SLC14A2: variants seen among roughly 807,000 people sequenced by gnomAD.
The protein encoded by SLC14A2 is urea transporter 2.
In SLC14A2, 91 loss-of-function variants were observed where a neutral mutation model predicts 104.6. The observed-to-expected ratio is 0.87, with a 90% CI of 0.73 to 1.04. SLC14A2 has a LOEUF of 1.04. SLC14A2 is among the 50% of genes least tolerant of loss of function. The pLI, the probability that SLC14A2 is intolerant of heterozygous loss-of-function variation, is 0.00. For missense variants in SLC14A2, 1,189 were observed against 1,156.0 expected (o/e 1.03, Z -0.41); for synonymous variants, 476 against 466.4 (o/e 1.02, Z -0.27).
At chr18:45,549,023 C>A (rs2144275709) in intron 2 of SLC14A2, among the ~76,000 whole-genome samples, 1 of 152,358 alleles carries the variant, frequency 6.6e-6, no homozygotes, top group East Asian at 1.9e-4. Flanking sequence ...GGATTAGTCT[C>A]ACAATATTGC....
At chr18:45,472,619 A>G (rs1377718353) in intron 1 of SLC14A2, among the ~76,000 whole-genome samples, 1 of 152,124 alleles carries the variant, frequency 6.6e-6, no homozygotes, top group Non-Finnish European at 1.5e-5. Flanking sequence ...CATTTCTCTA[A>G]TGACCGGTGA....
intron 2 of SLC14A2, among the ~76,000 whole-genome samples, chr18:45,557,281 TCTAA>T (rs1410795584): frequency 6.6e-5 from 10 of 152,220 alleles, no homozygotes; most frequent in South Asian, 2.1e-4. Context: ...TTTCCCATTC[TCTAA>T]CTGTTTCTGC....
chr18:45,565,003 G>A (rs2044247089), intron 2 of SLC14A2, among the ~76,000 whole-genome samples: 1 of 152,150 alleles, frequency 6.6e-6, no homozygotes, highest in South Asian at 2.1e-4. Context: ...GGTGGAACTT[G>A]AACTGGATAC....
At chr18:45,511,635 A>G (rs2043366866) in intron 2 of SLC14A2, among the ~76,000 whole-genome samples, 1 of 152,222 alleles carries the variant, frequency 6.6e-6, no homozygotes, top group Non-Finnish European at 1.5e-5. Context: ...CATAACCAGG[A>G]AAAGCTTGCA....
chr18:45,364,051 T>C (rs1939116783), intron 1 of SLC14A2, among the ~76,000 whole-genome samples: 2 of 152,174 alleles, frequency 1.3e-5, no homozygotes, highest in Non-Finnish European at 2.9e-5. Flanking sequence ...CAAATGCCAG[T>C]GCCTCCTTAA....
At chr18:45,320,273 A>G (rs939930408) in intron 1 of SLC14A2, among the ~76,000 whole-genome samples, 8 of 152,310 alleles carry the variant, frequency 5.3e-5, no homozygotes, top group African/African-American at 1.7e-4. Context: ...TTTTTGGCAC[A>G]TCTTTCATTT....
At chr18:45,521,179 T>C (rs970695721) in intron 2 of SLC14A2, among the ~76,000 whole-genome samples, 3 of 152,354 alleles carry the variant, frequency 2.0e-5, no homozygotes, top group African/African-American at 7.2e-5. Flanking sequence ...TTTAACCTGA[T>C]AGGGACTCAA....
In SLC14A2 at chr18:45,637,061, A is replaced by G. The variant is rs778478814; in HGVS notation, c.722A>G (p.Asn241Ser). 7.4e-6 allele frequency: 12 copies of G among 1,614,048 alleles called. No homozygotes were observed. The highest frequency in any genetic ancestry group is 1.1e-5 in the South Asian group (1 of 91,088). The change falls in exon 6 of 20, where the codon AAC (asparagine) becomes AGC (serine). Residue 241 changes from asparagine to serine, a missense_variant. By Grantham distance (46) the Asn-to-Ser change is conservative. Transcript: ENST00000255226. ...CTCCCGGTCTTCACTCTGCCCTTCAACATTGCAGTCACCTTGTACCTTGCA... is the reference window on the plus strand; with the variant it reads ...CTCCCGGTCTTCACTCTGCCCTTCAGCATTGCAGTCACCTTGTACCTTGCA... ...WDLPVFTLPF[N>S]IAVTLYLAAT...
At chr18:45,331,651 A>G (rs1033312471) in intron 1 of SLC14A2, among the ~76,000 whole-genome samples, 25 of 151,460 alleles carry the variant, frequency 1.7e-4, no homozygotes, top group Admixed American at 5.9e-4. Context: ...AGATCGCACC[A>G]CTGCACTCCA....
At chr18:45,532,816 A>G (rs1036563027) in intron 2 of SLC14A2, among the ~76,000 whole-genome samples, 2 of 152,190 alleles carry the variant, frequency 1.3e-5, no homozygotes, top group South Asian at 4.1e-4. Context: ...TCCATTCAGT[A>G]TGATATTGGC....
At chr18:45,223,794 G>T (rs1226438285) in intron 1 of SLC14A2, among the ~76,000 whole-genome samples, 1 of 152,168 alleles carries the variant, frequency 6.6e-6, no homozygotes, top group Non-Finnish European at 1.5e-5. Context: ...GTGGGGCTTT[G>T]GAAACCCAGA....
chr18:45,382,219 G>T (rs1236610038), intron 1 of SLC14A2, among the ~76,000 whole-genome samples: 1 of 152,174 alleles, frequency 6.6e-6, no homozygotes, highest in Non-Finnish European at 1.5e-5. Flanking sequence ...GTCATTCTCA[G>T]AGTATGCTTA....
chr18:45,512,015 C>A (rs568070152), intron 2 of SLC14A2, among the ~76,000 whole-genome samples: 168 of 152,270 alleles, frequency 1.1e-3, no homozygotes, highest in Non-Finnish European at 2.1e-3. Flanking sequence ...GCTCTCAGCT[C>A]TCAGGGAAGG....
chr18:45,626,949 C>G lies in SLC14A2; in HGVS notation c.332-9C>G. The G allele has an allele frequency of 6.2e-7, 1 of 1,605,674 alleles. No homozygotes were observed. Among genetic ancestry groups the G allele is most frequent in the Non-Finnish European group, 8.5e-7 (1 of 1,174,998 alleles). On this transcript the variant is annotated splice_polypyrimidine_tract_variant and intron_variant, in intron 3 of 19. Coordinates refer to ENST00000255226, the MANE Select transcript of SLC14A2 (RefSeq NM_007163.4). ...GACCTGCTGATGGCTCGCTCTCTGTCTCTTTCAGACAAGCACCTTGCCCTC... is the reference window on the plus strand; with the variant it reads ...GACCTGCTGATGGCTCGCTCTCTGTGTCTTTCAGACAAGCACCTTGCCCTC...
intron 1 of SLC14A2, among the ~76,000 whole-genome samples, chr18:45,401,551 C>T (rs1163844256): frequency 3.9e-5 from 6 of 152,190 alleles, no homozygotes. Flanking sequence ...CAGAGCTTTG[C>T]AGCTCAGCAA....
chr18:45,214,363 T>C, intron 1 of SLC14A2, among the ~76,000 whole-genome samples: 1 of 152,152 alleles, frequency 6.6e-6, no homozygotes, highest in East Asian at 1.9e-4. Flanking sequence ...GAAATCAGAA[T>C]CTCGGTCTCT....
At chr18:45,265,070 C>G (rs1423513318) in intron 1 of SLC14A2, among the ~76,000 whole-genome samples, 2 of 152,052 alleles carry the variant, frequency 1.3e-5, no homozygotes, top group Admixed American at 6.6e-5. Context: ...TTGTATGCAC[C>G]TATACATTCA....
At chr18:45,310,415 T>C (rs535741094) in intron 1 of SLC14A2, among the ~76,000 whole-genome samples, 34 of 152,374 alleles carry the variant, frequency 2.2e-4, no homozygotes, top group African/African-American at 8.2e-4. Context: ...GGCATCATTA[T>C]TGCTAATTTA....
chr18:45,364,135 C>T (rs1003907127), intron 1 of SLC14A2, among the ~76,000 whole-genome samples: 2 of 152,224 alleles, frequency 1.3e-5, no homozygotes, highest in Non-Finnish European at 2.9e-5. Context: ...CTGAGTCACT[C>T]CCTCAACTCG....
Sources: gnomAD v4.1 joint callset for allele counts (sites outside exome capture counted in the v4.1 genomes callset) on GRCh38, gnomAD v4.1.1 for gene constraint, MANE v1.5 for transcripts, NCBI Gene and HGNC (gene_info 2026-07-23, HGNC 2026-07-21) for gene names.